ANK1: variants seen among roughly 807,000 people sequenced by gnomAD.
The protein encoded by ANK1 is ankyrin-1.
ANK1 carries 51 observed loss-of-function variants against 210.4 expected under a neutral mutation model. The ratio of observed to expected loss-of-function variants is 0.24; its 90% CI spans 0.19 to 0.31. The LOEUF (loss-of-function observed/expected upper bound fraction) is 0.31. Among genes scored for constraint, ANK1 ranks in the 10% least tolerant of loss-of-function variants. The pLI, the probability that ANK1 is intolerant of heterozygous loss-of-function variation, is 1.00. For missense variants in ANK1, 2,051 were observed against 2,504.4 expected (o/e 0.82, Z 3.86); for synonymous variants, 967 against 1,025.9 (o/e 0.94, Z 1.10).
Position 41,658,177 on chromosome 8 carries a change from G to A in ANK1, c.*37-2424C>T, listed in dbSNP as rs550766310. Among the ~76,000 whole-genome samples the A allele has an allele frequency of 1.5e-3, 229 of 152,234 alleles. 1 individual carries two copies. The highest frequency in any genetic ancestry group is 1.0e-2 in the South Asian group (48 of 4,824). ...GAGTCACTATGCCCGGCCCTAGACA[G>A]CCCTTTCACAAACATAAACTCAGCA... On this transcript the variant is annotated intron_variant, in intron 42 of 42. Coordinates refer to ENST00000289734, the MANE Select transcript of ANK1 (RefSeq NM_000037.4).
chr8:41,809,180 T>C (rs958896895), intron 1 of ANK1, among the ~76,000 whole-genome samples: 8 of 152,178 alleles, frequency 5.3e-5, no homozygotes, highest in African/African-American at 1.9e-4. Flanking sequence ...GTCTTTTTTG[T>C]ACATGTTACT....
In ANK1 at chr8:41,710,488, G is replaced by T. The variant is rs117586291; in HGVS notation, c.1801-1513C>A. Among the ~76,000 whole-genome samples, 733 of 152,338 alleles carry T rather than the reference G, an allele frequency of 4.8e-3. 4 individuals carry two copies. The highest frequency in any genetic ancestry group is 8.5e-3 in the Non-Finnish European group (575 of 68,038). On this transcript the variant is annotated intron_variant, in intron 16 of 42. Coordinates refer to ENST00000289734, the MANE Select transcript of ANK1 (RefSeq NM_000037.4). ...GGGACCTTGTTAAAATGCAGTGTCT[G>T]ATTCAGAGGCGCTAGGGAGGGCCCG...
At chr8:41,711,675 C>A (rs1826162360) in intron 16 of ANK1, among the ~76,000 whole-genome samples, 1 of 152,194 alleles carries the variant, frequency 6.6e-6, no homozygotes, top group African/African-American at 2.4e-5. Flanking sequence ...CTGCCTATAA[C>A]CTCTGGGACT....
Position 41,661,269 on chromosome 8 carries a change from G to A in ANK1, c.*36+161C>T, listed in dbSNP as rs1310163373. 4 of 1,113,382 alleles carry A rather than the reference G, an allele frequency of 3.6e-6. No homozygotes were observed. In the African/African-American group the frequency reaches 6.2e-5, roughly 17 times the overall value. 69.0% of individuals were successfully genotyped at this position (1,113,382 alleles called of 1,614,324 possible). A position where few individuals can be genotyped will look rare whatever the true frequency, so the allele number is the denominator to read the frequency against. On this transcript the variant is annotated intron_variant, in intron 42 of 42. Transcript: ENST00000289734. Reference sequence around the variant, plus strand: ...AGGAAGCTGGGGTTCAGAGCCAACTGTTAGCAGGGTTGGGAAGTGAGAATC... The same window carrying A: ...AGGAAGCTGGGGTTCAGAGCCAACTATTAGCAGGGTTGGGAAGTGAGAATC...
chr8:41,681,302 T>C (rs759960868), intron 37 of ANK1, among the ~76,000 whole-genome samples: 2 of 152,242 alleles, frequency 1.3e-5, no homozygotes, highest in Non-Finnish European at 2.9e-5. Context: ...TCTCCTCTCA[T>C]AAGGGAAGTC....
At chr8:41,723,785 ATTTTTTATTTTTTTTTT>A (rs1829947936) in intron 7 of ANK1, 152 bp from the exon 8 acceptor site, 1 of 468,276 alleles carries the variant, frequency 2.1e-6, no homozygotes, top group African/African-American at 2.1e-5. Context: ...ATTTTTTTTT[ATTTTTTATTTTTTTTTT>A]TTTTTGAGAC....
upstream of ANK1, among the ~76,000 whole-genome samples, chr8:41,799,610 C>G (rs776692726): frequency 1.3e-5 from 2 of 152,132 alleles, no homozygotes; most frequent in Non-Finnish European, 2.9e-5. Context: ...GCTTAGGATC[C>G]TGCTAGTTCC....
intron 1 of ANK1, among the ~76,000 whole-genome samples, chr8:41,782,017 C>T (rs1411221685): frequency 6.6e-6 from 1 of 152,128 alleles, no homozygotes; most frequent in African/African-American, 2.4e-5. Flanking sequence ...TAAGTAAACC[C>T]AGGGATTTAA....
rs1222092635 is a variant in ANK1, at chr8:41,802,963, G to T, written c.127-44826C>A. 7.0e-3 allele frequency among the ~76,000 whole-genome samples: 754 copies of T among 108,366 alleles called. 31 individuals are homozygous for T. The highest frequency in any genetic ancestry group is 0.025 in the African/African-American group (731 of 28,932). 71.1% of individuals were successfully genotyped at this position (108,366 alleles called of 152,430 possible). A position where few individuals can be genotyped will look rare whatever the true frequency, so the allele number is the denominator to read the frequency against. On this transcript the variant is annotated intron_variant, in intron 1 of 42. Transcript: ENST00000265709. The stretch of plus-strand genomic sequence containing the variant: ...GGAGAGAGAAAGGGGGGGGGGGAGA[G>T]AGAGAGAGATGAAAAAAGAAAGAGA...
At chr8:41,793,150 G>A (rs910948209) in intron 1 of ANK1, among the ~76,000 whole-genome samples, 3 of 152,228 alleles carry the variant, frequency 2.0e-5, no homozygotes, top group East Asian at 1.9e-4. Flanking sequence ...GCCAAGGAGG[G>A]AAGCTCACTG....
chr8:41,766,018 T>C (rs1413408858), intron 1 of ANK1, among the ~76,000 whole-genome samples: 1 of 152,216 alleles, frequency 6.6e-6, no homozygotes, highest in Non-Finnish European at 1.5e-5. Flanking sequence ...TAGTACAAAA[T>C]TCCTATCTAG....
At chr8:41,770,278 C>T (rs1182912817) in intron 1 of ANK1, among the ~76,000 whole-genome samples, 2 of 152,188 alleles carry the variant, frequency 1.3e-5, no homozygotes, top group Non-Finnish European at 2.9e-5. Flanking sequence ...CCACTGCGCC[C>T]AGCTTATATA....
chr8:41,873,876 G>A (rs1045072137), intron 1 of ANK1, among the ~76,000 whole-genome samples: 2 of 152,206 alleles, frequency 1.3e-5, no homozygotes, highest in African/African-American at 4.8e-5. Context: ...AACCAAGGCT[G>A]GCAAACCTGT....
At chr8:41,730,324 G>T (rs954246115) in intron 3 of ANK1, among the ~76,000 whole-genome samples, 2 of 152,222 alleles carry the variant, frequency 1.3e-5, no homozygotes, top group Admixed American at 6.5e-5. Flanking sequence ...AAAGCCTGGG[G>T]CTGGGTGCAG....
intron 1 of ANK1, among the ~76,000 whole-genome samples, chr8:41,832,613 C>G (rs1054527145): frequency 6.6e-6 from 1 of 152,216 alleles, no homozygotes; most frequent in Non-Finnish European, 1.5e-5. Flanking sequence ...TCCCCTGTAG[C>G]TGGGGAGGAC....
intron 4 of ANK1, 27 bp downstream of exon 4, chr8:41,727,881 C>T: frequency 6.2e-7 from 1 of 1,612,152 alleles, no homozygotes; most frequent in East Asian, 2.2e-5. Flanking sequence ...AGGCAACACC[C>T]TCTAGTCCAG....
chr8:41,801,932 T>C (rs911448905), upstream of ANK1, among the ~76,000 whole-genome samples: 1 of 152,238 alleles, frequency 6.6e-6, no homozygotes, highest in African/African-American at 2.4e-5. Context: ...ACTTCTACCC[T>C]GAGCTTATAC....
intron 4 of ANK1, 94 bp downstream of exon 4, chr8:41,727,814 T>C: frequency 8.5e-7 from 1 of 1,169,714 alleles, no homozygotes; most frequent in East Asian, 2.4e-5. Context: ...AGTGTGTGTG[T>C]TAACACGGCT....
intron 1 of ANK1, among the ~76,000 whole-genome samples, chr8:41,771,237 G>A (rs1284308194): frequency 6.6e-6 from 1 of 152,074 alleles, no homozygotes; most frequent in African/African-American, 2.4e-5. Flanking sequence ...CTTTGCAGGA[G>A]ATCCTTCAGG....
Sources: gnomAD v4.1 joint callset for allele counts (sites outside exome capture counted in the v4.1 genomes callset) on GRCh38, gnomAD v4.1.1 for gene constraint, MANE v1.5 for transcripts, NCBI Gene and HGNC (gene_info 2026-07-23, HGNC 2026-07-21) for gene names.